Variants in FBN1 observed in about 807,000 individuals in gnomAD.
FBN1 encodes fibrillin-1.
In FBN1, 29 loss-of-function variants were observed where a neutral mutation model predicts 365.1. The observed-to-expected ratio is 0.08, with a 90% confidence interval of 0.06 to 0.11. The LOEUF (loss-of-function observed/expected upper bound fraction) is 0.11. Among genes scored for constraint, FBN1 ranks in the 10% least tolerant of loss-of-function variants. FBN1 has a pLI of 1.00. For missense variants in FBN1, 2,476 were observed against 3,703.2 expected (o/e 0.67, Z 8.60); for synonymous variants, 1,210 against 1,270.5 (o/e 0.95, Z 1.01).
intron 6 of FBN1, among the ~76,000 whole-genome samples, chr15:48,581,015 G>T (rs914527508): frequency 1.3e-5 from 2 of 152,162 alleles, no homozygotes; most frequent in South Asian, 2.1e-4. Context: ...GAGGCTGGGT[G>T]AGCTCAGAAC....
chr15:48,625,480 C>T lies in FBN1; in HGVS notation c.165-12388G>A, dbSNP rs142755434. 5.5e-3 allele frequency among the ~76,000 whole-genome samples: 834 copies of T among 152,302 alleles called. 10 individuals are homozygous for T. Among genetic ancestry groups the T allele is most frequent in the African/African-American group, 0.019 (803 of 41,570 alleles). On this transcript the variant is annotated intron_variant, in intron 2 of 65. Transcript: ENST00000316623. ...ACAGTCCTGAGAGGGCAGCCAGAGT[C>T]AGAGCCGTCCCAGCCCAGGCTTGAC...
chr15:48,450,120 T>C (rs1190523185), intron 45 of FBN1, among the ~76,000 whole-genome samples: 2 of 152,066 alleles, frequency 1.3e-5, no homozygotes, highest in African/African-American at 4.8e-5. Flanking sequence ...TTTGAGAAAA[T>C]GAATTTAAAG....
chr15:48,474,114 T>C, intron 34 of FBN1, 141 bp downstream of exon 34: 3 of 1,290,796 alleles, frequency 2.3e-6, no homozygotes, highest in East Asian at 2.4e-5. Flanking sequence ...ATTTTTTTTT[T>C]CCCACAGAGC....
At chr15:48,538,693 C>T (rs560657902) in intron 6 of FBN1, among the ~76,000 whole-genome samples, 1 of 152,146 alleles carries the variant, frequency 6.6e-6, no homozygotes, top group Admixed American at 6.5e-5. Flanking sequence ...GAAATCAGGG[C>T]CATAATATCC....
intron 6 of FBN1, among the ~76,000 whole-genome samples, chr15:48,591,651 T>G (rs1056923165): frequency 3.3e-5 from 5 of 152,214 alleles, no homozygotes; most frequent in Admixed American, 2.6e-4. Context: ...CATCTTGACT[T>G]CCATTCTAAG....
chr15:48,575,584 T>G (rs1239390955), intron 6 of FBN1, among the ~76,000 whole-genome samples: 2 of 152,088 alleles, frequency 1.3e-5, no homozygotes, highest in African/African-American at 4.8e-5. Context: ...CACTTATAAG[T>G]GAAAACATGT....
intron 2 of FBN1, among the ~76,000 whole-genome samples, chr15:48,628,901 T>C (rs567648147): frequency 9.2e-5 from 14 of 152,142 alleles, no homozygotes; most frequent in African/African-American, 3.4e-4. Context: ...ACTTATAAAG[T>C]CTTCTTGAAA....
intron 4 of FBN1, among the ~76,000 whole-genome samples, chr15:48,609,606 G>A (rs1272169227): frequency 6.6e-6 from 1 of 152,204 alleles, no homozygotes; most frequent in Non-Finnish European, 1.5e-5. Flanking sequence ...AGGCAAGGAA[G>A]CTGAGGCACT....
chr15:48,450,289 C>A (rs2043191144), intron 45 of FBN1, among the ~76,000 whole-genome samples: 1 of 152,080 alleles, frequency 6.6e-6, no homozygotes. Flanking sequence ...TATCTGAGTT[C>A]CACAAGGAAA....
intron 15 of FBN1, 88 bp downstream of exon 15, chr15:48,508,494 A>G (rs2043729759): frequency 6.4e-7 from 1 of 1,565,260 alleles, no homozygotes; most frequent in Non-Finnish European, 8.8e-7. Flanking sequence ...AAGTGGGGAG[A>G]ATCAGTAAAG....
intron 44 of FBN1, among the ~76,000 whole-genome samples, chr15:48,455,101 A>T (rs1034889025): frequency 4.6e-5 from 7 of 152,224 alleles, no homozygotes; most frequent in African/African-American, 1.7e-4. Flanking sequence ...GTATGCACTC[A>T]ACCTTCATTT....
At chr15:48,582,731 G>T (rs2044405011) in intron 6 of FBN1, among the ~76,000 whole-genome samples, 1 of 152,178 alleles carries the variant, frequency 6.6e-6, no homozygotes, top group Non-Finnish European at 1.5e-5. Flanking sequence ...TTTTTGTGGT[G>T]TACTTGCATT....
At chr15:48,574,927 T>C (rs1420040351) in intron 6 of FBN1, among the ~76,000 whole-genome samples, 2 of 152,188 alleles carry the variant, frequency 1.3e-5, no homozygotes, top group East Asian at 3.8e-4. Context: ...TATAAAGATA[T>C]TAATACTAAA....
chr15:48,498,093 T>C (rs945491485), intron 18 of FBN1, among the ~76,000 whole-genome samples: 4 of 152,086 alleles, frequency 2.6e-5, no homozygotes, highest in African/African-American at 9.7e-5. Context: ...GGGAATCTCA[T>C]AGTCAAGGCA....
At chr15:48,521,009 CT>C (rs1376088410) in intron 9 of FBN1, among the ~76,000 whole-genome samples, 192 bp from the exon 10 acceptor site, 1 of 152,218 alleles carries the variant, frequency 6.6e-6, no homozygotes, top group Non-Finnish European at 1.5e-5. Flanking sequence ...GGTCTCACAC[CT>C]TTTGCCCCTG....
At chr15:48,644,402 C>T in intron 2 of FBN1, 1 of 704,732 alleles carries the variant, frequency 1.4e-6, no homozygotes, top group Non-Finnish European at 2.4e-6. Context: ...TAACCACGTC[C>T]TCTCCTTTGG....
rs16960904 is a variant in FBN1 at position 48,414,574 on chromosome 15, A to C, written c.8051+962T>G. Reference sequence around the variant, plus strand: ...ATCCAAACTTTGAAAACTTAACACTAAACTTTTAAATCACTGGGTAAAATA... The same window carrying C: ...ATCCAAACTTTGAAAACTTAACACTCAACTTTTAAATCACTGGGTAAAATA... On this transcript the variant is annotated intron_variant, in intron 64 of 65. Coordinates refer to ENST00000316623, the MANE Select transcript of FBN1 (RefSeq NM_000138.5). 0.017 allele frequency among the ~76,000 whole-genome samples: 2,644 copies of C among 152,264 alleles called. 253 individuals are homozygous for C. In the East Asian group the frequency reaches 0.27, roughly 16 times the overall value.
chr15:48,588,115 T>A (rs1282910620), intron 6 of FBN1, among the ~76,000 whole-genome samples: 1 of 152,176 alleles, frequency 6.6e-6, no homozygotes, highest in Non-Finnish European at 1.5e-5. Context: ...CTGTCCAAGA[T>A]GATAGCCACA....
chr15:48,448,932 C>A, intron 45 of FBN1, 39 bp from the exon 46 acceptor site: 1 of 1,561,720 alleles, frequency 6.4e-7, no homozygotes, highest in South Asian at 1.1e-5. Context: ...ACTTAGAAGA[C>A]AAAATATAAT....
Sources: allele counts gnomAD v4.1 joint callset (sites outside exome capture counted in the v4.1 genomes callset), GRCh38; gene constraint gnomAD v4.1.1; transcripts MANE v1.5; gene names NCBI Gene and HGNC (gene_info 2026-07-23, HGNC 2026-07-21).